The following KSR2 variants were observed in gnomAD, a reference collection of about 807,000 sequenced individuals.
The protein encoded by KSR2 is kinase suppressor of ras 2.
A neutral mutation model predicts 107.8 loss-of-function variants in KSR2; 25 were observed. That is an observed-to-expected ratio of 0.23 (90% CI 0.17 to 0.32). The LOEUF (loss-of-function observed/expected upper bound fraction) is 0.32, where lower values mean the gene tolerates loss of function less well. Among genes scored for constraint, KSR2 ranks in the 10% least tolerant of loss-of-function variants. The probability of loss-of-function intolerance (pLI) is 1.00; values close to 1 mark genes in which losing one functional copy is unlikely to be tolerated. For missense variants in KSR2, 887 were observed against 1,268.9 expected (o/e 0.70, Z 4.57); for synonymous variants, 480 against 507.0 (o/e 0.95, Z 0.71).
intron 1 of KSR2, among the ~76,000 whole-genome samples, chr12:117,896,299 A>C (rs1894507412): frequency 6.6e-6 from 1 of 152,214 alleles, no homozygotes. Context: ...GTATGATTCC[A>C]CTGAAATAAA....
At chr12:117,884,312 C>G (rs1188170303) in intron 1 of KSR2, among the ~76,000 whole-genome samples, 1 of 152,120 alleles carries the variant, frequency 6.6e-6, no homozygotes, top group Non-Finnish European at 1.5e-5. Context: ...GAAAAAGGGA[C>G]ATGAGAATGA....
chr12:117,492,262 T>C (rs1279885133), intron 14 of KSR2, among the ~76,000 whole-genome samples: 1 of 152,222 alleles, frequency 6.6e-6, no homozygotes, highest in African/African-American at 2.4e-5. Context: ...AAAAGGGGCT[T>C]GTCAGAAACA....
At chr12:117,661,792 G>A (rs540481191) in intron 5 of KSR2, among the ~76,000 whole-genome samples, 1 of 152,120 alleles carries the variant, frequency 6.6e-6, no homozygotes, top group East Asian at 1.9e-4. Context: ...GAGAACCCCC[G>A]GTAGAACCTG....
At chr12:117,726,312 A>G (rs894151307) in intron 4 of KSR2, among the ~76,000 whole-genome samples, 11 of 152,238 alleles carry the variant, frequency 7.2e-5, no homozygotes, top group African/African-American at 2.7e-4. Flanking sequence ...AAAGATGTTC[A>G]CCATATTTAG....
chr12:117,719,279 C>T (rs540534624), intron 4 of KSR2, among the ~76,000 whole-genome samples: 50 of 152,288 alleles, frequency 3.3e-4, no homozygotes, highest in African/African-American at 1.2e-3. Context: ...ACTGCAACCT[C>T]TACCTCCCAG....
intron 1 of KSR2, among the ~76,000 whole-genome samples, chr12:117,906,981 C>T (rs1333684516): frequency 6.6e-6 from 1 of 151,844 alleles, no homozygotes; most frequent in African/African-American, 2.4e-5. Flanking sequence ...GATCGCACCA[C>T]TGCACTCCAG....
At chr12:117,605,794 T>G (rs563508994) in intron 5 of KSR2, among the ~76,000 whole-genome samples, 4 of 152,110 alleles carry the variant, frequency 2.6e-5, no homozygotes, top group Admixed American at 6.5e-5. Context: ...TATGCAGCCA[T>G]AAAAAGGAAT....
At chr12:117,473,899 G>A (rs541719070) in intron 17 of KSR2, among the ~76,000 whole-genome samples, 1 of 152,304 alleles carries the variant, frequency 6.6e-6, no homozygotes, top group East Asian at 1.9e-4. Context: ...ATTCTCACCT[G>A]TCAATTGGGA....
At chr12:117,846,819 G>A (rs917295490) in intron 3 of KSR2, among the ~76,000 whole-genome samples, 2 of 152,160 alleles carry the variant, frequency 1.3e-5, no homozygotes, top group African/African-American at 2.4e-5. Context: ...CTGGTCACAC[G>A]AGTCTGGTGA....
intron 1 of KSR2, among the ~76,000 whole-genome samples, chr12:117,945,254 C>T (rs1449592123): frequency 6.6e-6 from 1 of 152,172 alleles, no homozygotes; most frequent in African/African-American, 2.4e-5. Context: ...CCATCAACAG[C>T]AGAACATGCA....
At chr12:117,900,470 A>C (rs1227161038) in intron 1 of KSR2, among the ~76,000 whole-genome samples, 1 of 152,238 alleles carries the variant, frequency 6.6e-6, no homozygotes, top group Non-Finnish European at 1.5e-5. Flanking sequence ...AAAGGAGAAT[A>C]AAACAGGAAA....
chr12:117,689,265 A>G (rs1593132826), intron 4 of KSR2, among the ~76,000 whole-genome samples: 1 of 152,104 alleles, frequency 6.6e-6, no homozygotes, highest in African/African-American at 2.4e-5. Context: ...TGTGTAGACC[A>G]GGGGTCATCC....
At position 117,946,930 on chromosome 12, in the gene KSR2, C is replaced by T. The variant is rs759053418; in HGVS notation, c.180+21146G>A. ...CTACAATCCCAGCAATTTGGGAGGCCGAGGCAGACGGATTACTTGAGGCTA... is the reference window on the plus strand; with the variant it reads ...CTACAATCCCAGCAATTTGGGAGGCTGAGGCAGACGGATTACTTGAGGCTA... On this transcript the variant is annotated intron_variant, in intron 1 of 19. Transcript: ENST00000339824. 4.6e-5 allele frequency among the ~76,000 whole-genome samples: 7 copies of T among 151,706 alleles called. No homozygotes were observed. In the South Asian group the frequency reaches 1.0e-3, roughly 23 times the overall value.
chr12:117,740,974 G>A (rs1301661267), intron 4 of KSR2, among the ~76,000 whole-genome samples: 1 of 152,098 alleles, frequency 6.6e-6, no homozygotes, highest in Non-Finnish European at 1.5e-5. Context: ...GAGATGAAGA[G>A]GAAGCGGTGA....
Position 117,688,027 on chromosome 12 carries a change from A to C in KSR2, c.987-20369T>G, listed in dbSNP as rs188847705. 4.6e-5 allele frequency among the ~76,000 whole-genome samples: 7 copies of C among 152,290 alleles called. No homozygotes were observed. The East Asian group carries it at 1.4e-3, about 29-fold the overall frequency. ...GATAGAGTTGGCTTCTGTTGTTTGC[A>C]ACCAAAGATCTCGTCTCTAACGTAT... On this transcript the variant is annotated intron_variant, in intron 4 of 19. Transcript: ENST00000339824.
chr12:117,890,294 T>C (rs1173370626), intron 1 of KSR2, among the ~76,000 whole-genome samples: 1 of 152,206 alleles, frequency 6.6e-6, no homozygotes, highest in East Asian at 1.9e-4. Context: ...TAGTAACTAG[T>C]TTGATCTTCA....
At chr12:117,832,464 T>C (rs1434213949) in intron 3 of KSR2, among the ~76,000 whole-genome samples, 2 of 152,336 alleles carry the variant, frequency 1.3e-5, no homozygotes, top group South Asian at 2.1e-4. Context: ...TTGACATTTG[T>C]TGAGCACAGA....
At chr12:117,669,627 G>GA (rs1384103548) in intron 4 of KSR2, among the ~76,000 whole-genome samples, 1 of 151,806 alleles carries the variant, frequency 6.6e-6, no homozygotes, top group Non-Finnish European at 1.5e-5. Flanking sequence ...CAGCACTTTC[G>GA]GGGGCCAAGG....
chr12:117,568,845 T>C lies in KSR2; in HGVS notation c.1326-10272A>G, dbSNP rs147458638. Among the ~76,000 whole-genome samples, 724 of 152,294 alleles carry C rather than the reference T, an allele frequency of 4.8e-3. 10 individuals carry two copies. Among genetic ancestry groups the C allele is most frequent in the African/African-American group, 0.016 (645 of 41,548 alleles). ...TGCTTATCATAGGTAAAAACGCATA[T>C]ATAGGATGATTAACTCCCATTATAA... is the stretch of plus-strand genomic sequence containing the variant. On this transcript the variant is annotated intron_variant, in intron 7 of 19. Transcript: ENST00000339824.
Sources: gnomAD v4.1 joint callset for allele counts (sites outside exome capture counted in the v4.1 genomes callset) on GRCh38, gnomAD v4.1.1 for gene constraint, MANE v1.5 for transcripts, NCBI Gene and HGNC (gene_info 2026-07-23, HGNC 2026-07-21) for gene names.